The following SYVN1 variants were observed in gnomAD, a reference collection of about 807,000 sequenced individuals.
SYVN1 encodes the protein E3 ubiquitin-protein ligase synoviolin.
Under a neutral mutation model 62.6 loss-of-function variants are expected in SYVN1, and 17 were observed. The ratio of observed to expected loss-of-function variants is 0.27; its 90% CI spans 0.19 to 0.41. SYVN1 has a LOEUF of 0.41. Ranked by LOEUF, SYVN1 falls within the 10% of genes least tolerant of loss-of-function variation. SYVN1 has a pLI of 1.00. For synonymous variants in SYVN1, 316 were observed against 304.0 expected (o/e 1.04, Z -0.41); for missense variants, 634 against 818.0 (o/e 0.78, Z 2.74).
At position 65,130,092 on chromosome 11, in the gene SYVN1, G is replaced by A; in HGVS notation, c.1318C>T (p.Pro440Ser). Residue 440 changes from proline (P) to serine (S), a missense_variant, in exon 13 of 16, where the codon CCA (proline) becomes TCA (serine). Physicochemically the swap from Pro to Ser is moderately conservative, Grantham distance 74. Around this residue, in one of 2 missense-constraint regions of SYVN1, gnomAD observed 351 missense variants for 373.3 expected, o/e 0.94. Coordinates refer to ENST00000377190, the MANE Select transcript of SYVN1 (RefSeq NM_172230.3). ...GCCTCTGGGGCAGAGCCAGAGCCTGGGCCAGATGCTGTGGCAGAAGCAGCA... is the reference window on the plus strand; with the variant it reads ...GCCTCTGGGGCAGAGCCAGAGCCTGAGCCAGATGCTGTGGCAGAAGCAGCA... Reference protein sequence around the residue: ...ATAASATASGPGSGSAPEAGP... With the variant: ...ATAASATASGSGSGSAPEAGP... 1 of 1,611,118 alleles carries A rather than the reference G, an allele frequency of 6.2e-7. No homozygotes were observed. Among genetic ancestry groups the A allele is most frequent in the Non-Finnish European group, 8.5e-7 (1 of 1,178,462 alleles).
In SYVN1 at chr11:65,133,625, G is replaced by C. The variant is rs1282141422; in HGVS notation, c.-17-7C>G. On this transcript the variant is annotated splice_polypyrimidine_tract_variant and splice_region_variant and intron_variant, in intron 1 of 15. Transcript: ENST00000377190. ...ATTGCCCTGGCCCGGAGACCTGCATGGGGCAAGAAAATAACTTATGTGATG... is the reference window on the plus strand; with the variant it reads ...ATTGCCCTGGCCCGGAGACCTGCATCGGGCAAGAAAATAACTTATGTGATG... 1.2e-6 allele frequency: 2 copies of C among 1,602,626 alleles called. No homozygotes were observed. The highest frequency in any genetic ancestry group is 1.7e-6 in the Non-Finnish European group (2 of 1,177,942).
At chr11:65,133,103 T>C (rs1403617860) in intron 3 of SYVN1, 29 bp from the exon 4 acceptor site, 1 of 1,613,992 alleles carries the variant, frequency 6.2e-7, no homozygotes, top group African/African-American at 1.3e-5. Context: ...ATAATGTGGA[T>C]ACCAAACATT....
In SYVN1 at chr11:65,132,266, C is replaced by T. The variant is rs754119080; in HGVS notation, c.513G>A (p.Gln171=). ...HSILTRGASV[Q]LVFGFEYAIL... The stretch of plus-strand genomic sequence containing the variant: ...GTTTTACCTCAAAGCCAAACACCAG[C>T]TGCACAGAGGCCCCACGGGTCAGGA... The change falls in exon 6 of 16, where the codon CAG becomes CAA. Residue 171 remains glutamine, a synonymous_variant. Transcript: ENST00000377190. 1.2e-6 allele frequency: 2 copies of T among 1,614,072 alleles called. No individual in the cohort carries two copies. Among genetic ancestry groups the T allele is most frequent in the South Asian group, 1.1e-5 (1 of 91,090 alleles).
chr11:65,131,586 A>C lies in SYVN1; in HGVS notation c.542T>G (p.Leu181Arg). The C allele has an allele frequency of 6.2e-7, 1 of 1,613,756 alleles. No homozygotes were observed. The highest frequency in any genetic ancestry group is 8.5e-7 in the Non-Finnish European group (1 of 1,179,968). ...GAAGATGGTGAGCACCATCGTCATC[A>C]GGATGGCATACTGAAGGGAGAGGGG... ...QLVFGFEYAILMTMVLTIFIK... is the reference protein window; with the variant it reads ...QLVFGFEYAIRMTMVLTIFIK... Residue 181 changes from leucine to arginine, a missense_variant, in exon 7 of 16, where the codon CTG becomes CGG. By Grantham distance (102) the Leu-to-Arg change is moderately radical. Coordinates refer to ENST00000377190, the MANE Select transcript of SYVN1 (RefSeq NM_172230.3).
chr11:65,129,789 G>A lies in SYVN1; in HGVS notation c.1535C>T (p.Thr512Ile), dbSNP rs1455686745. 1.9e-6 allele frequency: 3 copies of A among 1,614,266 alleles called. No homozygotes were observed. The highest frequency in any genetic ancestry group is 8.5e-7 in the Non-Finnish European group (1 of 1,180,050). Reference protein sequence around the residue: ...ARLQSLRNIHTLLDAAMLQIN... With the variant: ...ARLQSLRNIHILLDAAMLQIN... ...CTGCAGCATGGCGGCGTCCAGCAGT[G>A]TGTGGATGTTACGCAGGCTCTGCAG... Residue 512 changes from threonine to isoleucine, a missense_variant, in exon 14 of 16, where the codon ACA (threonine) becomes ATA (isoleucine). Transcript: ENST00000377190.
rs766219891 is a variant in SYVN1 at position 65,130,815 on chromosome 11, C to T, written c.950G>A (p.Arg317His). 3.8e-6 allele frequency: 6 copies of T among 1,563,068 alleles called. No individual in the cohort carries two copies. The highest frequency in any genetic ancestry group is 2.2e-5 in the East Asian group (1 of 44,592). Residue 317 changes from arginine to histidine, a missense_variant, in exon 11 of 16, where the codon CGC becomes CAC. By Grantham distance (29) the Arg-to-His change is conservative (BLOSUM62 0). Coordinates refer to ENST00000377190, the MANE Select transcript of SYVN1 (RefSeq NM_172230.3). ...CNHIFHTSCL[R>H]SWFQRQQTCP... ...GGTCTGCTGCCGCTGGAACCAGGAG[C>T]GCAGGCAGCTGCGGGTCAAGGCCAG...
In SYVN1 at chr11:65,131,141, A is replaced by G. The variant is rs1288517906; in HGVS notation, c.815T>C (p.Met272Thr). Reference sequence around the variant, plus strand: ...TGACAAGCCTACTTACAGGGTGTTCATGTTGCGGATGGCTCGGCGAGACAT... The same window carrying G: ...TGACAAGCCTACTTACAGGGTGTTCGTGTTGCGGATGGCTCGGCGAGACAT... The part of the protein sequence containing the change: ...AIMSRRAIRN[M>T]NTLYPDATPE... The change falls in exon 9 of 16, where the codon ATG becomes ACG. Residue 272 changes from methionine to threonine, a missense_variant. Coordinates refer to ENST00000377190, the MANE Select transcript of SYVN1 (RefSeq NM_172230.3). 3 of 1,614,188 alleles carry G rather than the reference A, an allele frequency of 1.9e-6. No individual in the cohort carries two copies. The highest frequency in any genetic ancestry group is 2.5e-6 in the Non-Finnish European group (3 of 1,180,030).
In SYVN1 at chr11:65,127,473, A is replaced by G. The variant is rs1948115396; in HGVS notation, c.*909T>C. ...GGCACAGAGCCTTTTCTAAACTGGA[A>G]AGACCAGGAGTCTGGCACTCCTGTT... On this transcript the variant is annotated 3_prime_UTR_variant, in exon 16 of 16. Transcript: ENST00000377190. 1 of 164,668 alleles carries G rather than the reference A, an allele frequency of 6.1e-6. No individual in the cohort carries two copies. Among genetic ancestry groups the G allele is most frequent in the African/African-American group, 2.4e-5 (1 of 41,932 alleles). 10.2% of individuals were successfully genotyped at this position (164,668 alleles called of 1,614,324 possible).
Position 65,130,710 on chromosome 11 carries a change from C to T in SYVN1, c.1055G>A (p.Gly352Glu), listed in dbSNP as rs778114838. The stretch of plus-strand genomic sequence containing the variant: ...TGGGGGGTGGGGGGCAGGGGGTGGC[C>T]CCTGATCCGCAGGCTCCGGGGGTGG... ...SPPPPEPADQ[G>E]PPPAPHPPPL... is the part of the protein sequence containing the mutation. Residue 352 changes from glycine (G) to glutamate (E), a missense_variant, in exon 11 of 16, where the codon GGG (glycine) becomes GAG (glutamate). Coordinates refer to ENST00000377190, the MANE Select transcript of SYVN1 (RefSeq NM_172230.3). 38 of 1,513,858 alleles carry T rather than the reference C, an allele frequency of 2.5e-5. No individual in the cohort carries two copies. Among genetic ancestry groups the T allele is most frequent in the Admixed American group, 8.9e-5 (4 of 44,918 alleles). The allele number at this position is 1,513,858 out of a possible 1,614,324, so 93.8% of individuals were successfully genotyped here. A position where few individuals can be genotyped will look rare whatever the true frequency, so the allele number is the denominator to read the frequency against.
intron 5 of SYVN1, 117 bp from the exon 6 acceptor site, chr11:65,132,468 T>A: frequency 1.3e-6 from 1 of 796,378 alleles, no homozygotes; most frequent in Non-Finnish European, 2.1e-6. Flanking sequence ...TCTAGTCAGG[T>A]GGGCACACTC....
Position 65,131,314 on chromosome 11 carries a change from A to G in SYVN1, c.718T>C (p.Phe240Leu). 6.2e-7 allele frequency: 1 copy of G among 1,614,136 alleles called. No homozygotes were observed. Among genetic ancestry groups the G allele is most frequent in the Non-Finnish European group, 8.5e-7 (1 of 1,180,006 alleles). The change falls in exon 8 of 16, where the codon TTC becomes CTC. Residue 240 changes from phenylalanine (F) to leucine (L), a missense_variant. This residue lies in a region of SYVN1 where 283 missense variants were observed against 444.7 expected (regional missense o/e 0.64). Transcript: ENST00000377190. Reference protein sequence around the residue: ...FMTIMIKVHTFPLFAIRPMYL... With the variant: ...FMTIMIKVHTLPLFAIRPMYL... ...ATGGGCCGGATGGCAAAGAGTGGGA[A>G]GGTGTGCACCTTGATCATGATGGTC...
chr11:65,128,800 C>T, intron 14 of SYVN1, 86 bp from the exon 15 acceptor site: 1 of 1,393,442 alleles, frequency 7.2e-7, no homozygotes, highest in South Asian at 1.4e-5. Flanking sequence ...CCTTGCAGAA[C>T]AGAGTATAGA....
chr11:65,128,142 A>G lies in SYVN1; in HGVS notation c.*240T>C. 1 of 587,848 alleles carries G rather than the reference A, an allele frequency of 1.7e-6. No individual in the cohort carries two copies. The highest frequency in any genetic ancestry group is 2.0e-5 in the South Asian group (1 of 48,852). 36.4% of individuals were successfully genotyped at this position (587,848 alleles called of 1,614,324 possible). A position where few individuals can be genotyped will look rare whatever the true frequency, so the allele number is the denominator to read the frequency against. On this transcript the variant is annotated 3_prime_UTR_variant, in exon 16 of 16. Coordinates refer to ENST00000377190, the MANE Select transcript of SYVN1 (RefSeq NM_172230.3). ...TGCCTTCATGGCCCCAGCAGAACACAGGGCTGAAGAGTTGGAGAGGAAGGC... is the reference window on the plus strand; with the variant it reads ...TGCCTTCATGGCCCCAGCAGAACACGGGGCTGAAGAGTTGGAGAGGAAGGC...
chr11:65,131,040 G>C lies in SYVN1; in HGVS notation c.825-4C>G, dbSNP rs767763584. 5.2e-5 allele frequency: 84 copies of C among 1,613,970 alleles called. No homozygotes were observed. The highest frequency in any genetic ancestry group is 6.9e-5 in the Non-Finnish European group (81 of 1,179,928). ...CTCTGGGGTGGCATCTGGATACCTG[G>C]TTAGGATGACAGGGGCTGTATCAGG... On this transcript the variant is annotated splice_region_variant and splice_polypyrimidine_tract_variant and intron_variant, in intron 9 of 15. Transcript: ENST00000377190.
intron 6 of SYVN1, 118 bp downstream of exon 6, chr11:65,132,130 T>C: frequency 1.2e-6 from 1 of 802,200 alleles, no homozygotes; most frequent in Non-Finnish European, 2.2e-6. Context: ...TCACTGCCCC[T>C]TGGTGGCCAG....
At chr11:65,132,709 C>A (rs759819127) in intron 5 of SYVN1, 23 bp downstream of exon 5, 1 of 1,613,780 alleles carries the variant, frequency 6.2e-7, no homozygotes, top group Non-Finnish European at 8.5e-7. Flanking sequence ...GTCCTCCCTT[C>A]CCCTCCCCTG....
In SYVN1 at chr11:65,128,713, G is replaced by C. The variant is rs932236637; in HGVS notation, c.1597C>G (p.Pro533Ala). The C allele has an allele frequency of 1.7e-5, 28 of 1,605,226 alleles. No homozygotes were observed. The highest frequency in any genetic ancestry group is 2.1e-5 in the Non-Finnish European group (25 of 1,175,820). The change falls in exon 15 of 16, where the codon CCC (proline) becomes GCC (alanine). Residue 533 changes from proline (P) to alanine (A), a missense_variant and splice_region_variant. Coordinates refer to ENST00000377190, the MANE Select transcript of SYVN1 (RefSeq NM_172230.3). ...TTGACTGAAGTGGCAGGCCGGGGGG[G>C]CCTGGGAAGAGAAGGGACGAGAGGC... is the stretch of plus-strand genomic sequence containing the variant. ...QYLTVLASLG[P>A]PRPATSVNST...
In SYVN1 at chr11:65,133,272, G is replaced by T. The variant is rs761233564; in HGVS notation, c.133-20C>A. ...CAGGACCTAGGAGTGGGGAGAGGCT[G>T]TGGTTTGAGGTCACTTTCTGCTTTC... On this transcript the variant is annotated intron_variant, in intron 2 of 15. Coordinates refer to ENST00000377190, the MANE Select transcript of SYVN1 (RefSeq NM_172230.3). 3 of 1,612,720 alleles carry T rather than the reference G, an allele frequency of 1.9e-6. No individual in the cohort carries two copies. The highest frequency in any genetic ancestry group is 2.5e-6 in the Non-Finnish European group (3 of 1,178,714).
At chr11:65,129,606 TG>T in intron 14 of SYVN1, 122 bp downstream of exon 14, 1 of 870,126 alleles carries the variant, frequency 1.1e-6, no homozygotes, top group Non-Finnish European at 1.8e-6. Flanking sequence ...AGACCCTTGG[TG>T]GGCCTGTAGA....
Sources: allele counts gnomAD v4.1 joint callset, GRCh38; gene constraint gnomAD v4.1.1; regional missense constraint gnomAD v4.1.1; transcripts MANE v1.5; gene names NCBI Gene and HGNC (gene_info 2026-07-23, HGNC 2026-07-21).